The following MBTPS1 variants were observed in gnomAD, a reference collection of about 807,000 sequenced individuals.
The protein encoded by MBTPS1 is membrane-bound transcription factor site-1 protease.
In MBTPS1, 94 loss-of-function variants were observed where a neutral mutation model predicts 127.8. That is an observed-to-expected ratio of 0.74 (90% CI 0.62 to 0.87). The LOEUF (loss-of-function observed/expected upper bound fraction) is 0.87. MBTPS1 is among the 40% of genes least tolerant of loss of function. The probability of loss-of-function intolerance (pLI) is 0.00; values close to 1 mark genes in which losing one functional copy is unlikely to be tolerated. For missense variants in MBTPS1, 1,636 were observed against 1,353.2 expected, an observed-to-expected ratio of 1.21 and a Z score of -3.28; for synonymous variants, 632 against 509.4, an observed-to-expected ratio of 1.24 and a Z score of -3.24.
At position 84,070,777 on chromosome 16, in the gene MBTPS1, C is replaced by G; in HGVS notation, c.1594-1G>C. ...GTGGCAAATAGGGCTGCCAGTCAGG[C>G]TGCAGGAAAAAGAAATCAGACAAAG... On this transcript the variant is annotated splice_acceptor_variant, in intron 12 of 22. Transcript: ENST00000343411. LOFTEE classifies it high-confidence loss of function. The G allele has an allele frequency of 1.9e-6, 3 of 1,597,918 alleles. No homozygotes were observed. The highest frequency in any genetic ancestry group is 2.6e-6 in the Non-Finnish European group (3 of 1,172,370).
intron 17 of MBTPS1, 52 bp downstream of exon 17, chr16:84,066,437 A>G: frequency 1.9e-6 from 3 of 1,593,446 alleles, no homozygotes; most frequent in South Asian, 1.1e-5. Context: ...TCAGAGGTGT[A>G]GAGCTTCTGC....
chr16:84,079,722 T>C (rs1349656675), intron 11 of MBTPS1, among the ~76,000 whole-genome samples: 2 of 152,012 alleles, frequency 1.3e-5, no homozygotes. Context: ...AAGAAATAAA[T>C]AAATAAATAG....
Position 84,069,533 on chromosome 16 carries a change from G to C in MBTPS1, c.1955+333C>G, listed in dbSNP as rs117314297. Among the ~76,000 whole-genome samples the C allele has an allele frequency of 1.2e-4, 18 of 152,342 alleles. No homozygotes were observed. In the East Asian group the frequency reaches 3.3e-3, roughly 28 times the overall value. ...GTGGTCCAGGCAAGAGATGACAATG[G>C]CATGGACTAGGGTGGGAGCAGGGAG... is the stretch of plus-strand genomic sequence containing the variant. On this transcript the variant is annotated intron_variant, in intron 14 of 22. Transcript: ENST00000343411.
intron 11 of MBTPS1, among the ~76,000 whole-genome samples, chr16:84,078,964 C>A (rs1030027528): frequency 6.6e-6 from 1 of 152,200 alleles, no homozygotes; most frequent in Non-Finnish European, 1.5e-5. Flanking sequence ...CCCAATCTCA[C>A]GCTGACGTGT....
chr16:84,074,556 T>G, intron 12 of MBTPS1, 41 bp downstream of exon 12: 1 of 1,602,682 alleles, frequency 6.2e-7, no homozygotes, highest in Non-Finnish European at 8.5e-7. Context: ...TGTGTCTAAG[T>G]TCACCATCAA....
At chr16:84,104,524 G>C (rs2086297762) in intron 1 of MBTPS1, among the ~76,000 whole-genome samples, 1 of 152,086 alleles carries the variant, frequency 6.6e-6, no homozygotes, top group South Asian at 2.1e-4. Context: ...TCAAGCTAAA[G>C]AATCTATGAC....
chr16:84,058,837 C>CGAAA (rs2085561386), intron 21 of MBTPS1, among the ~76,000 whole-genome samples: 1 of 152,186 alleles, frequency 6.6e-6, no homozygotes, highest in East Asian at 1.9e-4. Context: ...GGTGCTTTCA[C>CGAAA]CCCCAGTCAC....
At chr16:84,060,457 A>G in intron 20 of MBTPS1, 1 of 490,576 alleles carries the variant, frequency 2.0e-6, no homozygotes, top group South Asian at 2.9e-5. Flanking sequence ...CACGTGGGAA[A>G]GCAGCTGCAC....
chr16:84,104,833 T>C (rs2086301663), intron 1 of MBTPS1, among the ~76,000 whole-genome samples: 1 of 151,966 alleles, frequency 6.6e-6, no homozygotes, highest in African/African-American at 2.4e-5. Context: ...GATTCCACTT[T>C]AGGAGGCTGA....
chr16:84,082,842 C>T (rs1204999019), intron 10 of MBTPS1, among the ~76,000 whole-genome samples: 4 of 152,166 alleles, frequency 2.6e-5, no homozygotes, highest in Non-Finnish European at 1.5e-5. Flanking sequence ...ATAAAGTGAA[C>T]TCAAGGGTTG....
At chr16:84,111,350 G>A (rs1191479918) in intron 1 of MBTPS1, among the ~76,000 whole-genome samples, 1 of 152,168 alleles carries the variant, frequency 6.6e-6, no homozygotes, top group East Asian at 1.9e-4. Context: ...GACCAGCCTG[G>A]CCAACATGGT....
chr16:84,106,924 C>T (rs1043819274), intron 1 of MBTPS1, among the ~76,000 whole-genome samples: 1 of 152,192 alleles, frequency 6.6e-6, no homozygotes, highest in East Asian at 1.9e-4. Flanking sequence ...CAAGGCAACA[C>T]CAAGGCTGGT....
In MBTPS1 at chr16:84,054,632, G is replaced by A. The variant is rs750480734; in HGVS notation, c.2976C>T (p.Gly992=). The A allele has an allele frequency of 6.2e-7, 1 of 1,606,566 alleles. No homozygotes were observed. Among genetic ancestry groups the A allele is most frequent in the Non-Finnish European group, 8.5e-7 (1 of 1,175,818 alleles). The change falls in exon 23 of 23, where the codon GGC becomes GGT. Residue 992 remains glycine (G), a synonymous_variant. Coordinates refer to ENST00000343411, the MANE Select transcript of MBTPS1 (RefSeq NM_003791.4). The part of the protein sequence containing the change: ...AWDIPGGIMP[G]RYNQEVGQTI... ...TCTGGCCCACCTCCTGGTTGTAGCGGCCAGGCATGATCCCTGTAAGAGGAC... is the reference window on the plus strand; with the variant it reads ...TCTGGCCCACCTCCTGGTTGTAGCGACCAGGCATGATCCCTGTAAGAGGAC...
intron 21 of MBTPS1, among the ~76,000 whole-genome samples, chr16:84,058,897 T>G (rs1265031988): frequency 2.0e-5 from 3 of 152,232 alleles, no homozygotes; most frequent in Non-Finnish European, 1.5e-5. Context: ...TTGGACAGGC[T>G]GCAACCGCGG....
intron 18 of MBTPS1, among the ~76,000 whole-genome samples, chr16:84,063,850 A>G (rs2085646828): frequency 6.6e-6 from 1 of 152,256 alleles, no homozygotes; most frequent in South Asian, 2.1e-4. Context: ...CTAAACACAC[A>G]GGTTTCTCTA....
chr16:84,093,594 A>G, intron 5 of MBTPS1, 117 bp downstream of exon 5: 6 of 788,616 alleles, frequency 7.6e-6, no homozygotes. Context: ...GCCACAACAA[A>G]AAGCACAATA....
chr16:84,058,694 T>A (rs1217430112), intron 21 of MBTPS1, among the ~76,000 whole-genome samples: 1 of 152,096 alleles, frequency 6.6e-6, no homozygotes, highest in Non-Finnish European at 1.5e-5. Flanking sequence ...CAGGTCCACC[T>A]CAAACACTGG....
intron 1 of MBTPS1, 48 bp downstream of exon 1, chr16:84,116,687 C>T (rs1332620427): frequency 6.6e-6 from 1 of 151,972 alleles, no homozygotes; most frequent in Non-Finnish European, 1.5e-5. Context: ...GGGCCGCCGC[C>T]GCTAGGCGGA....
intron 11 of MBTPS1, among the ~76,000 whole-genome samples, chr16:84,077,265 AAAAG>A (rs1416833939): frequency 1.7e-4 from 25 of 151,048 alleles, no homozygotes; most frequent in African/African-American, 4.1e-4. Flanking sequence ...GAGAGAAAAG[AAAAG>A]AAAGAAAGAA....
Sources: allele counts gnomAD v4.1 joint callset (sites outside exome capture counted in the v4.1 genomes callset), GRCh38; gene constraint gnomAD v4.1.1; transcripts MANE v1.5; gene names NCBI Gene and HGNC (gene_info 2026-07-23, HGNC 2026-07-21).